Variants in DMBT1 observed in about 807,000 individuals in gnomAD.
The protein encoded by DMBT1 is deleted in malignant brain tumors 1.
A neutral mutation model predicts 252.9 loss-of-function variants in DMBT1; 198 were observed. That is an observed-to-expected ratio of 0.78 (90% CI 0.70 to 0.88). The LOEUF (loss-of-function observed/expected upper bound fraction) is 0.88. Ranked by LOEUF, DMBT1 falls within the 40% of genes least tolerant of loss-of-function variation. The pLI, the probability that DMBT1 is intolerant of heterozygous loss-of-function variation, is 0.00. For missense variants in DMBT1, 2,432 were observed against 2,404.7 expected (o/e 1.01, Z -0.24); for synonymous variants, 990 against 942.7 (o/e 1.05, Z -0.92).
At chr10:122,586,429 C>A in intron 16 of DMBT1, 46 bp downstream of exon 16, 2 of 1,581,826 alleles carry the variant, frequency 1.3e-6, no homozygotes, top group Non-Finnish European at 1.7e-6. Flanking sequence ...GTAGATTTTG[C>A]TCAGGAAGGT....
At chr10:122,568,112 C>T (rs984918652) in intron 2 of DMBT1, among the ~76,000 whole-genome samples, 9 of 152,058 alleles carry the variant, frequency 5.9e-5, no homozygotes, top group South Asian at 2.1e-4. Context: ...GCAGTGGGAA[C>T]GACACGGAAG....
chr10:122,634,457 TCTCTCTC>T (rs2098207058), intron 52 of DMBT1, among the ~76,000 whole-genome samples: 5 of 100,606 alleles, frequency 5.0e-5, no homozygotes, highest in Admixed American at 1.0e-4. Context: ...TCTCTCTCTC[TCTCTCTC>T]TCTCTCTCTC....
intron 16 of DMBT1, among the ~76,000 whole-genome samples, chr10:122,586,841 C>T (rs958622579): frequency 1.4e-5 from 2 of 148,036 alleles, no homozygotes; most frequent in South Asian, 4.6e-4. Context: ...CTGGCCTGGG[C>T]AGAGGTCACA....
rs1464010419 is a variant in DMBT1 at position 122,592,252 on chromosome 10, G to T, written c.2177-20G>T. 6 of 1,584,988 alleles carry T rather than the reference G, an allele frequency of 3.8e-6. No homozygotes were observed. The Admixed American group carries it at 8.4e-5, about 22-fold the overall frequency. On this transcript the variant is annotated intron_variant, in intron 19 of 55. Coordinates refer to ENST00000338354, the MANE Select transcript of DMBT1 (RefSeq NM_001377530.1). ...ACCTCATGGTAGGGATGGATAAAGG[G>T]TTCTTGTGTTCCCCTGTAGGATCTG... is the stretch of plus-strand genomic sequence containing the variant.
rs374961259 is a variant in DMBT1 at position 122,586,157 on chromosome 10, T to C, written c.1557T>C (p.Cys519=). The C allele has an allele frequency of 3.8e-4, 609 of 1,589,064 alleles. 65 individuals carry two copies. The highest frequency in any genetic ancestry group is 5.0e-4 in the Non-Finnish European group (581 of 1,166,096). Residue 519 remains cysteine, a synonymous_variant, in exon 16 of 56, where the codon TGT becomes TGC. Transcript: ENST00000338354. ...VLYRGSWGTV[C]DDSWDTNDAN... ...ACCGAGGCTCCTGGGGCACCGTGTGTGATGACAGCTGGGACACCAATGATG... is the reference window on the plus strand; with the variant it reads ...ACCGAGGCTCCTGGGGCACCGTGTGCGATGACAGCTGGGACACCAATGATG...
intron 55 of DMBT1, among the ~76,000 whole-genome samples, chr10:122,641,094 A>T (rs1844450331): frequency 6.6e-6 from 1 of 152,164 alleles, no homozygotes; most frequent in African/African-American, 2.4e-5. Flanking sequence ...TCAGCCTGGG[A>T]ATAGAAGCTC....
chr10:122,619,467 C>G, intron 42 of DMBT1, 130 bp downstream of exon 42: 1 of 1,223,052 alleles, frequency 8.2e-7, no homozygotes, highest in Non-Finnish European at 1.2e-6. Flanking sequence ...TCCCACCACT[C>G]TGTAACTGAG....
At chr10:122,600,640 C>CCTGGT (rs1366474566) in intron 27 of DMBT1, among the ~76,000 whole-genome samples, 6 of 152,142 alleles carry the variant, frequency 3.9e-5, no homozygotes, top group Non-Finnish European at 8.8e-5. Flanking sequence ...CTGGGCAGCC[C>CCTGGT]CTGGTTCCCC....
At chr10:122,576,064 G>T (rs2097709043) in intron 6 of DMBT1, among the ~76,000 whole-genome samples, 1 of 152,200 alleles carries the variant, frequency 6.6e-6, no homozygotes, top group African/African-American at 2.4e-5. Context: ...GCTCTTCAGT[G>T]TGGGGTGTTG....
In DMBT1 at chr10:122,592,190, G is replaced by A. The variant is rs114790352; in HGVS notation, c.2177-82G>A. 3,726 of 1,544,096 alleles carry A rather than the reference G, an allele frequency of 2.4e-3. 213 individuals are homozygous for A. The African/African-American group carries it at 0.046, about 19-fold the overall frequency. ...CTTGTCCAGGCGACCTTGGCCATTAGGAAGTACCCTGAGTGTGGAACGTGC... is the reference window on the plus strand; with the variant it reads ...CTTGTCCAGGCGACCTTGGCCATTAAGAAGTACCCTGAGTGTGGAACGTGC... On this transcript the variant is annotated intron_variant, in intron 19 of 55. Coordinates refer to ENST00000338354, the MANE Select transcript of DMBT1 (RefSeq NM_001377530.1).
intron 5 of DMBT1, 57 bp downstream of exon 5, chr10:122,572,418 T>G: frequency 6.2e-7 from 1 of 1,600,664 alleles, no homozygotes; most frequent in Non-Finnish European, 8.6e-7. Flanking sequence ...ACTCCTAGAT[T>G]CATCTCTGAC....
At chr10:122,621,704 G>A (rs2098070997) in intron 44 of DMBT1, among the ~76,000 whole-genome samples, 1 of 152,202 alleles carries the variant, frequency 6.6e-6, no homozygotes, top group Admixed American at 6.5e-5. Flanking sequence ...GGGTATGGTG[G>A]ACACAGCACA....
At chr10:122,579,293 A>G (rs1323882211) in intron 9 of DMBT1, among the ~76,000 whole-genome samples, 9 of 152,078 alleles carry the variant, frequency 5.9e-5, no homozygotes. Flanking sequence ...TCTGGAGCTG[A>G]GCAGCTCCAT....
intron 4 of DMBT1, 30 bp from the exon 5 acceptor site, chr10:122,572,284 C>A: frequency 1.2e-6 from 2 of 1,612,798 alleles, no homozygotes; most frequent in Non-Finnish European, 8.5e-7. Context: ...GGGCTACCAT[C>A]AATGAGCTCT....
At chr10:122,579,497 A>G (rs914288461) in intron 9 of DMBT1, 81 bp from the exon 10 acceptor site, 10 of 1,602,280 alleles carry the variant, frequency 6.2e-6, no homozygotes, top group Non-Finnish European at 8.5e-6. Flanking sequence ...GTTCATTAGG[A>G]AGTACCCTGA....
In DMBT1 at chr10:122,591,527, C is replaced by A. The variant is rs1161130337; in HGVS notation, c.2176+10C>A. On this transcript the variant is annotated intron_variant, in intron 19 of 55. Transcript: ENST00000338354. ...CCTCCATCGACAGTAGGTAAATAAT[C>A]CTCTCACCCCTCCCTAGGGCTCACT... The A allele has an allele frequency of 1.9e-6, 3 of 1,582,034 alleles. 1 individual carries two copies. In the East Asian group the frequency reaches 7.0e-5, roughly 37 times the overall value.
Position 122,618,119 on chromosome 10 carries a change from A to T in DMBT1, c.4994A>T (p.Asp1665Val). 1 of 1,613,902 alleles carries T rather than the reference A, an allele frequency of 6.2e-7. No individual in the cohort carries two copies. Among genetic ancestry groups the T allele is most frequent in the Non-Finnish European group, 8.5e-7 (1 of 1,179,860 alleles). ...GGCTCCTGGGGCACCGTGTGTGATG[A>T]CTACTGGGACACCAATGATGCCAAC... ...YQGSWGTVCD[D>V]YWDTNDANVV... is the part of the protein sequence containing the mutation. The change falls in exon 41 of 56, where the codon GAC becomes GTC. Residue 1665 changes from aspartate (D) to valine (V), a missense_variant. This residue lies in a region of DMBT1 where 1,162 missense variants were observed against 1,169.0 expected (regional missense o/e 0.99). Coordinates refer to ENST00000338354, the MANE Select transcript of DMBT1 (RefSeq NM_001377530.1).
At chr10:122,623,943 C>T (rs1203487227) in intron 44 of DMBT1, among the ~76,000 whole-genome samples, 1 of 152,226 alleles carries the variant, frequency 6.6e-6, no homozygotes, top group African/African-American at 2.4e-5. Flanking sequence ...CTCATAGTTG[C>T]TTCTGCCCAC....
At chr10:122,575,751 G>A (rs2097706622) in intron 6 of DMBT1, among the ~76,000 whole-genome samples, 1 of 152,198 alleles carries the variant, frequency 6.6e-6, no homozygotes, top group Admixed American at 6.5e-5. Flanking sequence ...CTGGATCCCA[G>A]AGGTCAGCTA....
Sources: gnomAD v4.1 joint callset for allele counts (sites outside exome capture counted in the v4.1 genomes callset) on GRCh38, gnomAD v4.1.1 for gene constraint, gnomAD v4.1.1 regional missense constraint, MANE v1.5 for transcripts, NCBI Gene and HGNC (gene_info 2026-07-23, HGNC 2026-07-21) for gene names.